Variants in NLRP8 observed in about 807,000 individuals in gnomAD.
NLRP8 encodes NLR family pyrin domain containing 8.
In NLRP8, 86 loss-of-function variants were observed where a neutral mutation model predicts 88.7. The observed-to-expected ratio is 0.97, with a 90% CI of 0.81 to 1.16. NLRP8 has a LOEUF of 1.16. Among genes scored for constraint, NLRP8 ranks in the 50% most tolerant of loss-of-function variants. NLRP8 has a pLI of 0.00. For synonymous variants in NLRP8, 504 were observed against 494.6 expected (o/e 1.02, Z -0.25); for missense variants, 1,342 against 1,286.5 (o/e 1.04, Z -0.66).
chr19:55,957,993 T>C (rs1297195020), intron 3 of NLRP8, among the ~76,000 whole-genome samples: 1 of 152,162 alleles, frequency 6.6e-6, no homozygotes, highest in African/African-American at 2.4e-5. Flanking sequence ...GTCAAGCACT[T>C]GCTTTATGTG....
chr19:55,959,646 T>TA (rs1192989786), intron 3 of NLRP8, among the ~76,000 whole-genome samples: 2 of 152,338 alleles, frequency 1.3e-5, no homozygotes, highest in East Asian at 3.9e-4. Context: ...GGCTGCTTAT[T>TA]CTCACAGCCC....
chr19:55,976,088 T>G, intron 7 of NLRP8, 45 bp from the exon 8 acceptor site: 1 of 1,485,348 alleles, frequency 6.7e-7, no homozygotes, highest in Non-Finnish European at 9.0e-7. Flanking sequence ...TGTTGTTTTG[T>G]TGTAGTTGTT....
chr19:55,956,060 A>C lies in NLRP8; in HGVS notation c.2002A>C (p.Asn668His), dbSNP rs1313322875. The change falls in exon 3 of 10, where the codon AAC becomes CAC. Residue 668 changes from asparagine (N) to histidine (H), a missense_variant. Asn to His is a moderately conservative substitution (Grantham distance 68, BLOSUM62 1). Coordinates refer to ENST00000291971, the MANE Select transcript of NLRP8 (RefSeq NM_176811.2). ...ACTGACCGTCACCCTGAACTTCATGAACGTGTGGAAGCTCAGCTCCAGCTC... is the reference window on the plus strand; with the variant it reads ...ACTGACCGTCACCCTGAACTTCATGCACGTGTGGAAGCTCAGCTCCAGCTC... 1 of 1,614,002 alleles carries C rather than the reference A, an allele frequency of 6.2e-7. No homozygotes were observed. The highest frequency in any genetic ancestry group is 2.2e-5 in the East Asian group (1 of 44,872).
chr19:55,983,823 A>G (rs1980680702), intron 9 of NLRP8, among the ~76,000 whole-genome samples: 1 of 6,892 alleles, frequency 1.5e-4, no homozygotes, highest in East Asian at 7.5e-3. Flanking sequence ...AGATGCAAAA[A>G]AAAAAAAAAA....
At position 55,988,330 on chromosome 19, in the gene NLRP8, G is replaced by A. The variant is rs1315177190; in HGVS notation, c.*417G>A. ...GAATCACTTGAATCTAGGAGGCAGAGTTTGCAGTGAGCTGAGATCACGCCA... is the reference window on the plus strand; with the variant it reads ...GAATCACTTGAATCTAGGAGGCAGAATTTGCAGTGAGCTGAGATCACGCCA... On this transcript the variant is annotated 3_prime_UTR_variant, in exon 10 of 10. Coordinates refer to ENST00000291971, the MANE Select transcript of NLRP8 (RefSeq NM_176811.2). The A allele has an allele frequency of 6.3e-5, 10 of 159,184 alleles. No individual in the cohort carries two copies. Among genetic ancestry groups the A allele is most frequent in the Admixed American group, 3.7e-4 (6 of 16,228 alleles). 9.9% of individuals were successfully genotyped at this position (159,184 alleles called of 1,614,324 possible).
rs778564335 is a variant in NLRP8, at chr19:55,970,717, CTGTGGTTGTGGT to C, written c.2534+34_2534+45del. The C allele has an allele frequency of 6.2e-6, 10 of 1,613,100 alleles. No homozygotes were observed. In the South Asian group the frequency reaches 6.6e-5, roughly 11 times the overall value. The stretch of plus-strand genomic sequence containing the variant: ...CTGTCGTAAGTCTCCTTTCTAGTGG[CTGTGGTTGTGGT>C]TGTGGTTGTGGTGGTTGTTTGGTAG... On this transcript the variant is annotated intron_variant, in intron 6 of 9. Coordinates refer to ENST00000291971, the MANE Select transcript of NLRP8 (RefSeq NM_176811.2).
chr19:55,954,852 C>T lies in NLRP8; in HGVS notation c.794C>T (p.Pro265Leu), dbSNP rs1189116725. 4 of 1,614,162 alleles carry T rather than the reference C, an allele frequency of 2.5e-6. No individual in the cohort carries two copies. Among genetic ancestry groups the T allele is most frequent in the Middle Eastern group, 3.3e-4 (2 of 6,062 alleles). Residue 265 changes from proline to leucine, a missense_variant, in exon 3 of 10, where the codon CCT (proline) becomes CTT (leucine). Coordinates refer to ENST00000291971, the MANE Select transcript of NLRP8 (RefSeq NM_176811.2). The stretch of plus-strand genomic sequence containing the variant: ...TCCGAGCTGATTGAGCAAAAGTGGC[C>T]TGGATCTCAGGACCTCGTGTCAAAG...
intron 5 of NLRP8, among the ~76,000 whole-genome samples, chr19:55,966,882 GC>G (rs1979867843): frequency 6.6e-6 from 1 of 152,102 alleles, no homozygotes. Context: ...GGAAATCTGA[GC>G]CCCAGCTCCT....
chr19:55,955,763 TCGGC>T lies in NLRP8; in HGVS notation c.1708_1711del (p.Ala570TrpfsTer18). On this transcript the variant is annotated frameshift_variant, in exon 3 of 10. Coordinates refer to ENST00000291971, the MANE Select transcript of NLRP8 (RefSeq NM_176811.2). LOFTEE classifies it high-confidence loss of function. ...CGGTTTTCTGAACGAGGCCTGCGCT[TCGGC>T]CGTGGAACAGTCATTCCAATGCAAG... 1 of 1,614,156 alleles carries T rather than the reference TCGGC, an allele frequency of 6.2e-7. No individual in the cohort carries two copies. Among genetic ancestry groups the T allele is most frequent in the East Asian group, 2.2e-5 (1 of 44,886 alleles).
intron 3 of NLRP8, among the ~76,000 whole-genome samples, chr19:55,957,673 T>TAATA (rs1378405360): frequency 4.8e-4 from 15 of 31,214 alleles, no homozygotes; most frequent in African/African-American, 3.4e-3. Flanking sequence ...AAAATAATAA[T>TAATA]TATATATATA....
chr19:55,953,792 CTTTTTTTTTTT>C (rs35767678), intron 2 of NLRP8, among the ~76,000 whole-genome samples: 3 of 55,246 alleles, frequency 5.4e-5, no homozygotes, highest in African/African-American at 7.3e-5. Context: ...TGTGCCTGGC[CTTTTTTTTTTT>C]TTTTTTTTTT....
chr19:55,970,728 G>C (rs754448803), intron 6 of NLRP8, 32 bp downstream of exon 6: 2 of 1,611,388 alleles, frequency 1.2e-6, no homozygotes, highest in South Asian at 2.2e-5. Context: ...TGTGGTTGTG[G>C]TTGTGGTTGT....
In NLRP8 at chr19:55,987,883, A is replaced by G; in HGVS notation, c.3117A>G (p.Lys1039=). ...CTCACCCACCCGACTTCACGGGAAA[A>G]AGTGACTGCCTATCCCAGATTAATC... Residue 1039 remains lysine (K), a synonymous_variant, in exon 10 of 10, where the codon AAA becomes AAG. Coordinates refer to ENST00000291971, the MANE Select transcript of NLRP8 (RefSeq NM_176811.2). The G allele has an allele frequency of 6.2e-7, 1 of 1,614,020 alleles. No homozygotes were observed. Among genetic ancestry groups the G allele is most frequent in the Non-Finnish European group, 8.5e-7 (1 of 1,179,950 alleles).
intron 4 of NLRP8, among the ~76,000 whole-genome samples, chr19:55,964,063 A>T (rs758351713): frequency 5.3e-5 from 8 of 152,074 alleles, no homozygotes; most frequent in Non-Finnish European, 1.2e-4. Flanking sequence ...ACCACTCCAT[A>T]CGCTATCTCT....
chr19:55,955,876 C>T lies in NLRP8; in HGVS notation c.1818C>T (p.Val606=), dbSNP rs775236569. Residue 606 remains valine, a synonymous_variant, in exon 3 of 10, where the codon GTC becomes GTT. Coordinates refer to ENST00000291971, the MANE Select transcript of NLRP8 (RefSeq NM_176811.2). ...ACCCACCTTCTCCGGGCAGTGGGGT[C>T]CCGCAGTTATTCTACTGTCTGCATG... The T allele has an allele frequency of 1.3e-5, 21 of 1,613,996 alleles. No homozygotes were observed. The highest frequency in any genetic ancestry group is 6.7e-5 in the East Asian group (3 of 44,876).
rs139058127 is a variant in NLRP8 at position 55,969,118 on chromosome 19, T to C, written c.2382-1426T>C. 6.6e-5 allele frequency among the ~76,000 whole-genome samples: 10 copies of C among 152,360 alleles called. No homozygotes were observed. In the East Asian group the frequency reaches 1.7e-3, roughly 26 times the overall value. On this transcript the variant is annotated intron_variant, in intron 5 of 9. Coordinates refer to ENST00000291971, the MANE Select transcript of NLRP8 (RefSeq NM_176811.2). ...TGTACTTTTTTGGTTTGTTTGTTTA[T>C]ATTCATAGGTTTTAGGGTACAGGTG...
rs755038064 is a variant in NLRP8 at position 55,947,975 on chromosome 19, C to T, written c.73C>T (p.Pro25Ser). The change falls in exon 1 of 10, where the codon CCG (proline) becomes TCG (serine). Residue 25 changes from proline to serine, a missense_variant. Pro to Ser is a moderately conservative substitution (Grantham distance 74). Coordinates refer to ENST00000291971, the MANE Select transcript of NLRP8 (RefSeq NM_176811.2). ...CTCCTCCACTCACAGTTCTCATATT[C>T]CGCCCTGGACATTCTCTTGCTACCC... 1 of 1,614,148 alleles carries T rather than the reference C, an allele frequency of 6.2e-7. No homozygotes were observed.
chr19:55,962,316 C>A, intron 4 of NLRP8, 79 bp downstream of exon 4: 5 of 1,434,046 alleles, frequency 3.5e-6, no homozygotes, highest in African/African-American at 1.4e-5. Context: ...ATTCCCTCTC[C>A]ACTCACACTA....
At position 55,987,812 on chromosome 19, in the gene NLRP8, A is replaced by G. The variant is rs770107179; in HGVS notation, c.3048-2A>G. 4 of 1,612,418 alleles carry G rather than the reference A, an allele frequency of 2.5e-6. No homozygotes were observed. The highest frequency in any genetic ancestry group is 2.2e-5 in the East Asian group (1 of 44,846). On this transcript the variant is annotated splice_acceptor_variant, in intron 9 of 9. Coordinates refer to ENST00000291971, the MANE Select transcript of NLRP8 (RefSeq NM_176811.2). LOFTEE classifies it high-confidence loss of function. ...CAGCAGCCTTCCTTTACCTCCCTCC[A>G]GCTGTATTCCTGCCTGGACTCGAAT...
Sources: allele counts gnomAD v4.1 joint callset (sites outside exome capture counted in the v4.1 genomes callset), GRCh38; gene constraint gnomAD v4.1.1; transcripts MANE v1.5; gene names NCBI Gene and HGNC (gene_info 2026-07-23, HGNC 2026-07-21).